SERINC5: variants seen among roughly 807,000 people sequenced by gnomAD.
The protein encoded by SERINC5 is serine incorporator 5.
SERINC5 carries 41 observed loss-of-function variants against 63.1 expected under a neutral mutation model. The observed-to-expected ratio is 0.65, with a 90% CI of 0.51 to 0.84. The LOEUF (loss-of-function observed/expected upper bound fraction) is 0.84. Ranked by LOEUF, SERINC5 falls within the 40% of genes least tolerant of loss-of-function variation. The probability of loss-of-function intolerance (pLI) is 0.00; values close to 1 mark genes in which losing one functional copy is unlikely to be tolerated. For missense variants in SERINC5, 523 were observed against 573.0 expected (o/e 0.91, Z 0.89); for synonymous variants, 222 against 215.2 (o/e 1.03, Z -0.28).
At chr5:80,128,277 GC>G in intron 11 of SERINC5, 1 of 152,264 alleles carries the variant, frequency 6.6e-6, no homozygotes, top group African/African-American at 2.4e-5. Context: ...TCTCCAGGGA[GC>G]CCAGTGCCCT....
At chr5:80,255,867 A>AC in intron 1 of SERINC5, 29 bp downstream of exon 1, 2 of 1,587,122 alleles carry the variant, frequency 1.3e-6, no homozygotes, top group East Asian at 2.4e-5. Flanking sequence ...CGATCTGACA[A>AC]CCCCCGCGCT....
At chr5:80,165,535 G>A (rs1386603054) in intron 7 of SERINC5, among the ~76,000 whole-genome samples, 1 of 152,190 alleles carries the variant, frequency 6.6e-6, no homozygotes, top group Non-Finnish European at 1.5e-5. Flanking sequence ...GTTTCTGCAA[G>A]TTACTTAAGT....
Position 80,147,227 on chromosome 5 carries a change from TA to T in SERINC5, c.1093+17del. 1 of 1,590,858 alleles carries T rather than the reference TA, an allele frequency of 6.3e-7. No homozygotes were observed. The highest frequency in any genetic ancestry group is 8.6e-7 in the Non-Finnish European group (1 of 1,168,934). On this transcript the variant is annotated intron_variant, in intron 10 of 11. Coordinates refer to ENST00000507668, the MANE Select transcript of SERINC5 (RefSeq NM_001174072.3). ...TGCAGTGCCACACAGGTGCAAAGAA[TA>T]AAAGCGCTCTGCTTACCCTCTCCAC...
In SERINC5 at chr5:80,174,951, C is replaced by A. The variant is rs1747931859; in HGVS notation, c.551+3G>T. ...ATGGGAAGCTTTCCATAAAGGCACA[C>A]ACCAGTTCTTGTTCCACTTATGTGC... On this transcript the variant is annotated splice_donor_region_variant and intron_variant, in intron 5 of 11. Coordinates refer to ENST00000507668, the MANE Select transcript of SERINC5 (RefSeq NM_001174072.3). The A allele has an allele frequency of 6.3e-7, 1 of 1,588,954 alleles. No homozygotes were observed. The highest frequency in any genetic ancestry group is 8.6e-7 in the Non-Finnish European group (1 of 1,166,190).
At chr5:80,122,212 T>TATATATATATAAATAA (rs777568982) in intron 11 of SERINC5, among the ~76,000 whole-genome samples, 4 of 142,560 alleles carry the variant, frequency 2.8e-5, no homozygotes, top group Non-Finnish European at 4.5e-5. Context: ...TATATATATA[T>TATATATATATAAATAA]AATATGAGTT....
At chr5:80,205,638 T>C (rs1750117794) in intron 1 of SERINC5, among the ~76,000 whole-genome samples, 1 of 152,206 alleles carries the variant, frequency 6.6e-6, no homozygotes, top group African/African-American at 2.4e-5. Context: ...ACACATCTTT[T>C]CTTTGGGATC....
intron 1 of SERINC5, among the ~76,000 whole-genome samples, chr5:80,224,953 T>G (rs560659181): frequency 0.16 from 16,408 of 101,962 alleles, 1,068 homozygotes; most frequent in Middle Eastern, 0.19. Flanking sequence ...TTGTTTTTTT[T>G]TTTTTTAGAC....
Position 80,174,206 on chromosome 5 carries a change from C to CA in SERINC5, c.551+747dup, listed in dbSNP as rs561883887. On this transcript the variant is annotated intron_variant, in intron 5 of 11. Coordinates refer to ENST00000507668, the MANE Select transcript of SERINC5 (RefSeq NM_001174072.3). Reference sequence around the variant, plus strand: ...CGAAATCCCATCTCTACCAAGCAAACAAAAAAAGAAATTAGCCAAGTGTGG... The same window carrying CA: ...CGAAATCCCATCTCTACCAAGCAAACAAAAAAAAGAAATTAGCCAAGTGTGG... 2.4e-4 allele frequency among the ~76,000 whole-genome samples: 36 copies of CA among 151,524 alleles called. No individual in the cohort carries two copies. In the East Asian group the frequency reaches 6.4e-3, roughly 27 times the overall value.
At chr5:80,168,033 T>C (rs1747416231) in intron 6 of SERINC5, among the ~76,000 whole-genome samples, 1 of 152,218 alleles carries the variant, frequency 6.6e-6, no homozygotes, top group Admixed American at 6.5e-5. Context: ...CAAAACATTA[T>C]CCCTATTTCA....
chr5:80,219,265 G>A (rs1750797976), intron 1 of SERINC5, among the ~76,000 whole-genome samples: 1 of 152,200 alleles, frequency 6.6e-6, no homozygotes, highest in African/African-American at 2.4e-5. Context: ...ATGCCTGGTA[G>A]TGCCATGAAA....
chr5:80,143,844 C>T, intron 11 of SERINC5, 34 bp from the exon 12 acceptor site: 1 of 1,534,546 alleles, frequency 6.5e-7, no homozygotes. Context: ...GCGGTCAAAG[C>T]AGGAATATAT....
At chr5:80,137,615 C>T (rs147851172), downstream of SERINC5, among the ~76,000 whole-genome samples, 1,280 of 132,004 alleles carry the variant, frequency 9.7e-3, 16 homozygotes, top group Middle Eastern at 0.046. Flanking sequence ...TGCACTCCAG[C>T]TTGGGCGACC....
intron 11 of SERINC5, among the ~76,000 whole-genome samples, chr5:80,125,325 G>A (rs1382194144): frequency 1.3e-5 from 2 of 152,196 alleles, no homozygotes; most frequent in African/African-American, 4.8e-5. Context: ...CAGATGAGAG[G>A]CTGGGCAGAG....
At chr5:80,214,354 T>C (rs1459189728) in intron 1 of SERINC5, among the ~76,000 whole-genome samples, 5 of 152,198 alleles carry the variant, frequency 3.3e-5, no homozygotes, top group African/African-American at 1.2e-4. Context: ...CTGAACTCTC[T>C]GCAACAAGCA....
In SERINC5 at chr5:80,140,305, CAAAAAAAAAA is replaced by C. The variant is rs55718546; in HGVS notation, c.*3348_*3357del. The C allele has an allele frequency of 5.1e-3, 2,438 of 477,822 alleles. 40 individuals carry two copies. The African/African-American group carries it at 0.069, about 14-fold the overall frequency. 29.6% of individuals were successfully genotyped at this position (477,822 alleles called of 1,614,324 possible). A position where few individuals can be genotyped will look rare whatever the true frequency, so the allele number is the denominator to read the frequency against. On this transcript the variant is annotated 3_prime_UTR_variant, in exon 12 of 12. Transcript: ENST00000507668. ...GTGGCTGACAGAGTGAGCCCGTCTC[CAAAAAAAAAA>C]AAAAAAAAAAAAAAAAAGGCTTAGG...
intron 11 of SERINC5, chr5:80,129,175 G>A (rs10044590): frequency 6.6e-6 from 1 of 152,220 alleles, no homozygotes; most frequent in Non-Finnish European, 1.5e-5. Flanking sequence ...GCAGGGAGGA[G>A]GTGCCGCTGT....
chr5:80,145,078 TG>T (rs1423833776), intron 11 of SERINC5, among the ~76,000 whole-genome samples: 1 of 151,590 alleles, frequency 6.6e-6, no homozygotes, highest in Non-Finnish European at 1.5e-5. Flanking sequence ...TGGTGGATCA[TG>T]CCTATAATCT....
intron 11 of SERINC5, among the ~76,000 whole-genome samples, chr5:80,125,559 G>T (rs1360927132): frequency 6.6e-6 from 1 of 152,194 alleles, no homozygotes; most frequent in Non-Finnish European, 1.5e-5. Flanking sequence ...ACAGAGACTA[G>T]ATATGAAGGA....
chr5:80,117,441 G>C (rs1160212133), intron 11 of SERINC5, among the ~76,000 whole-genome samples: 1 of 152,058 alleles, frequency 6.6e-6, no homozygotes, highest in Non-Finnish European at 1.5e-5. Context: ...TGGTGATGAT[G>C]TAAGTTGGAC....
Sources: gnomAD v4.1 joint callset for allele counts (sites outside exome capture counted in the v4.1 genomes callset) on GRCh38, gnomAD v4.1.1 for gene constraint, MANE v1.5 for transcripts, NCBI Gene and HGNC (gene_info 2026-07-23, HGNC 2026-07-21) for gene names.